Variants in FBXO28 observed in about 807,000 individuals in gnomAD.
FBXO28 encodes F-box protein 28.
Under a neutral mutation model 38.1 loss-of-function variants are expected in FBXO28, and 8 were observed. The observed-to-expected ratio is 0.21, with a 90% CI of 0.12 to 0.38. FBXO28 has a LOEUF of 0.38. Among genes scored for constraint, FBXO28 ranks in the 10% least tolerant of loss-of-function variants. FBXO28 has a pLI of 1.00. For synonymous variants in FBXO28, 168 were observed against 173.8 expected (o/e 0.97, Z 0.26); for missense variants, 345 against 460.6 (o/e 0.75, Z 2.30).
intron 1 of FBXO28, among the ~76,000 whole-genome samples, chr1:224,123,058 T>A (rs1343410047): frequency 6.7e-6 from 1 of 149,056 alleles, no homozygotes; most frequent in African/African-American, 2.5e-5. Context: ...CATAATTTCT[T>A]AAGGCCTCAG....
At chr1:224,156,862 C>T (rs1258364557) in intron 4 of FBXO28, among the ~76,000 whole-genome samples, 4 of 151,926 alleles carry the variant, frequency 2.6e-5, no homozygotes, top group Non-Finnish European at 4.4e-5. Context: ...ATTAGCCAGG[C>T]GTGGTGGCGG....
chr1:224,147,119 G>A (rs1417465988), intron 3 of FBXO28, among the ~76,000 whole-genome samples: 1 of 151,678 alleles, frequency 6.6e-6, no homozygotes, highest in Non-Finnish European at 1.5e-5. Context: ...AAATATATAT[G>A]TATATTTAGA....
intron 3 of FBXO28, among the ~76,000 whole-genome samples, chr1:224,135,788 A>T (rs1657168440): frequency 6.6e-6 from 1 of 151,888 alleles, no homozygotes; most frequent in African/African-American, 2.4e-5. Flanking sequence ...TGTAATCCCC[A>T]CACTTTGGGA....
At chr1:224,134,945 C>T (rs10732277) in intron 3 of FBXO28, among the ~76,000 whole-genome samples, 150,313 of 152,336 alleles carry the variant, frequency 0.99, 74,188 homozygotes, top group Middle Eastern at 1. Flanking sequence ...CTAGTAAAAT[C>T]TGAATGTTCG....
At chr1:224,149,093 C>G (rs1657580128) in intron 3 of FBXO28, among the ~76,000 whole-genome samples, 1 of 152,036 alleles carries the variant, frequency 6.6e-6, no homozygotes, top group Non-Finnish European at 1.5e-5. Flanking sequence ...CTTCTGTCTA[C>G]CAGTATTTAT....
At chr1:224,149,201 T>A (rs145169285) in intron 3 of FBXO28, among the ~76,000 whole-genome samples, 2 of 152,298 alleles carry the variant, frequency 1.3e-5, no homozygotes, top group African/African-American at 4.8e-5. Context: ...CAAGTCCGTC[T>A]CAATAGAGAT....
At chr1:224,138,795 G>A (rs1657261829) in intron 3 of FBXO28, among the ~76,000 whole-genome samples, 1 of 151,252 alleles carries the variant, frequency 6.6e-6, no homozygotes, top group Non-Finnish European at 1.5e-5. Context: ...TGGCCAGGCT[G>A]TCTTGAACGC....
intron 1 of FBXO28, among the ~76,000 whole-genome samples, chr1:224,119,093 C>G (rs1396027196): frequency 1.3e-5 from 2 of 150,414 alleles, no homozygotes; most frequent in Non-Finnish European, 3.0e-5. Flanking sequence ...CTGTATTGCT[C>G]TATTCCAGAG....
chr1:224,141,075 A>G (rs1467745100), intron 3 of FBXO28, among the ~76,000 whole-genome samples: 1 of 151,900 alleles, frequency 6.6e-6, no homozygotes, highest in African/African-American at 2.4e-5. Context: ...CCAGCTACTC[A>G]TGAGGCTGAG....
intron 3 of FBXO28, among the ~76,000 whole-genome samples, chr1:224,147,653 T>C (rs981165099): frequency 6.6e-6 from 1 of 151,748 alleles, no homozygotes; most frequent in Non-Finnish European, 1.5e-5. Context: ...CCCCTGAGGA[T>C]GCGGAGGGAC....
intron 1 of FBXO28, among the ~76,000 whole-genome samples, chr1:224,128,446 G>C (rs746561373): frequency 1.3e-5 from 2 of 151,682 alleles, no homozygotes; most frequent in Non-Finnish European, 1.5e-5. Context: ...ATGAAACAAA[G>C]TTTTCAAATT....
At chr1:224,129,205 TG>T (rs1043865108) in intron 1 of FBXO28, among the ~76,000 whole-genome samples, 2 of 152,132 alleles carry the variant, frequency 1.3e-5, no homozygotes, top group African/African-American at 4.8e-5. Context: ...CTGGGCGTGG[TG>T]GCACATGCCT....
Position 224,130,502 on chromosome 1 carries a change from A to G in FBXO28, c.298A>G (p.Arg100Gly). Residue 100 changes from arginine to glycine, a missense_variant, in exon 2 of 5, where the codon AGA (arginine) becomes GGA (glycine). Coordinates refer to ENST00000366862, the MANE Select transcript of FBXO28 (RefSeq NM_015176.4). The stretch of plus-strand genomic sequence containing the variant: ...TAAAAGAATGGACTTGGTCTGCCAG[A>G]GAATGTTGAATCAGGGATTTCTGAA... ...VCKRMDLVCQRMLNQGFLKVE... is the reference protein window; with the variant it reads ...VCKRMDLVCQGMLNQGFLKVE... 3 of 1,613,990 alleles carry G rather than the reference A, an allele frequency of 1.9e-6. No homozygotes were observed. Among genetic ancestry groups the G allele is most frequent in the Non-Finnish European group, 2.5e-6 (3 of 1,179,886 alleles).
Position 224,114,118 on chromosome 1 carries a change from C to A in FBXO28, c.-12C>A. On this transcript the variant is annotated 5_prime_UTR_variant, in exon 1 of 5. Coordinates refer to ENST00000366862, the MANE Select transcript of FBXO28 (RefSeq NM_015176.4). ...TCCCCTTGCTGTGGGGGTAAGGAAT[C>A]AAGCCCCCAAGATGGCGGCAGCGGC... is the stretch of plus-strand genomic sequence containing the variant. 6.5e-7 allele frequency: 1 copy of A among 1,531,150 alleles called. No homozygotes were observed. Among genetic ancestry groups the A allele is most frequent in the Middle Eastern group, 2.3e-4 (1 of 4,396 alleles). The allele number at this position is 1,531,150 out of a possible 1,614,324, so 94.8% of individuals were successfully genotyped here.
At chr1:224,135,571 C>G (rs1459401652) in intron 3 of FBXO28, among the ~76,000 whole-genome samples, 1 of 139,950 alleles carries the variant, frequency 7.1e-6, no homozygotes, top group Non-Finnish European at 1.5e-5. Context: ...AAGATCACAC[C>G]ACTGCACTCC....
At chr1:224,123,491 T>C (rs573985836) in intron 1 of FBXO28, among the ~76,000 whole-genome samples, 1 of 149,876 alleles carries the variant, frequency 6.7e-6, no homozygotes, top group African/African-American at 2.4e-5. Context: ...AATATTTCCA[T>C]GATTCTAAGA....
rs955266919 is a variant in FBXO28, at chr1:224,160,113, G to A, written c.*2367G>A. Reference sequence around the variant, plus strand: ...AGGCTATTTAGCTAAAACATGTTAGGATATTGCCTTCACCACTTGTTAGGA... The same window carrying A: ...AGGCTATTTAGCTAAAACATGTTAGAATATTGCCTTCACCACTTGTTAGGA... On this transcript the variant is annotated 3_prime_UTR_variant, in exon 5 of 5. Transcript: ENST00000366862. 6.6e-6 allele frequency: 1 copy of A among 152,112 alleles called. No homozygotes were observed. The highest frequency in any genetic ancestry group is 2.4e-5 in the African/African-American group (1 of 41,416). 9.4% of individuals were successfully genotyped at this position (152,112 alleles called of 1,614,324 possible).
intron 3 of FBXO28, among the ~76,000 whole-genome samples, chr1:224,138,134 A>G (rs1444522338): frequency 6.6e-6 from 1 of 151,694 alleles, no homozygotes; most frequent in Non-Finnish European, 1.5e-5. Flanking sequence ...AGACTGAGGC[A>G]GGAGAATCAC....
rs540621683 is a variant in FBXO28, at chr1:224,139,851, G to A, written c.516+5639G>A. ...TGCCTGTAATCCTAATACTTTGGGAGGCTGAGACGGGCAGATGGCTTGAAG... is the reference window on the plus strand; with the variant it reads ...TGCCTGTAATCCTAATACTTTGGGAAGCTGAGACGGGCAGATGGCTTGAAG... On this transcript the variant is annotated intron_variant, in intron 3 of 4. Transcript: ENST00000366862. Among the ~76,000 whole-genome samples the A allele has an allele frequency of 6.6e-5, 10 of 152,236 alleles. No individual in the cohort carries two copies. In the South Asian group the frequency reaches 2.1e-3, roughly 32 times the overall value.
Sources: allele counts gnomAD v4.1 joint callset (sites outside exome capture counted in the v4.1 genomes callset), GRCh38; gene constraint gnomAD v4.1.1; transcripts MANE v1.5; gene names NCBI Gene and HGNC (gene_info 2026-07-23, HGNC 2026-07-21).